ANKH: variants seen among roughly 807,000 people sequenced by gnomAD.
ANKH encodes the protein ANKH inorganic pyrophosphate transport regulator, also known as mineralization regulator ANKH.
A neutral mutation model predicts 49.0 loss-of-function variants in ANKH; 15 were observed. The ratio of observed to expected loss-of-function variants is 0.31; its 90% CI spans 0.20 to 0.47. The LOEUF is 0.47. Ranked by LOEUF, ANKH falls within the 20% of genes least tolerant of loss-of-function variation. ANKH has a pLI of 1.00. For synonymous variants in ANKH, 273 were observed against 260.0 expected (o/e 1.05, Z -0.48); for missense variants, 429 against 652.0 (o/e 0.66, Z 3.72).
intron 11 of ANKH, 49 bp downstream of exon 11, chr5:14,712,825 C>T (rs1336335885): frequency 1.3e-6 from 2 of 1,535,984 alleles, no homozygotes; most frequent in Non-Finnish European, 8.8e-7. Flanking sequence ...GGTTCTCCTG[C>T]ACCCAGGAGG....
chr5:14,857,428 G>C (rs1449566750), intron 1 of ANKH, among the ~76,000 whole-genome samples: 1 of 152,194 alleles, frequency 6.6e-6, no homozygotes, highest in Non-Finnish European at 1.5e-5. Flanking sequence ...GCCAAGACAG[G>C]TGGATCACTT....
chr5:14,757,430 A>ATATATCT (rs1379233165), intron 3 of ANKH, among the ~76,000 whole-genome samples: 2 of 113,792 alleles, frequency 1.8e-5, no homozygotes, highest in Non-Finnish European at 1.8e-5. Flanking sequence ...ATATATATAT[A>ATATATCT]TTTTTTTTTT....
intron 2 of ANKH, among the ~76,000 whole-genome samples, chr5:14,763,350 A>G (rs1168846169): frequency 6.6e-6 from 1 of 152,260 alleles, no homozygotes; most frequent in Non-Finnish European, 1.5e-5. Context: ...ATGTGTGTTT[A>G]CATGGCTGAT....
intron 8 of ANKH, among the ~76,000 whole-genome samples, chr5:14,718,478 C>T (rs1172199266): frequency 6.6e-6 from 1 of 152,064 alleles, no homozygotes; most frequent in African/African-American, 2.4e-5. Flanking sequence ...GGAGAAGACA[C>T]TGCACCCATG....
At chr5:14,868,022 C>T (rs1350860652) in intron 1 of ANKH, among the ~76,000 whole-genome samples, 1 of 152,174 alleles carries the variant, frequency 6.6e-6, no homozygotes, top group Non-Finnish European at 1.5e-5. Flanking sequence ...TCCTCCCTGA[C>T]TGAGCTATAA....
At chr5:14,752,239 G>A (rs1738745382) in intron 4 of ANKH, among the ~76,000 whole-genome samples, 1 of 152,184 alleles carries the variant, frequency 6.6e-6, no homozygotes, top group Non-Finnish European at 1.5e-5. Flanking sequence ...GAGCTCAGGA[G>A]TTTGAGGTTA....
rs1364740606 is a variant in ANKH at position 14,708,969 on chromosome 5, T to A, written c.*2228A>T. 3 of 152,164 alleles carry A rather than the reference T, an allele frequency of 2.0e-5. No homozygotes were observed. The highest frequency in any genetic ancestry group is 3.4e-3 in the Middle Eastern group (1 of 296). 9.4% of individuals were successfully genotyped at this position (152,164 alleles called of 1,614,324 possible). On this transcript the variant is annotated 3_prime_UTR_variant, in exon 12 of 12. Transcript: ENST00000284268. Reference sequence around the variant, plus strand: ...GTGCGATGGCGCGATCTCGGCTCACTACAACCTCTGCCTCCCAGGATCAAG... The same window carrying A: ...GTGCGATGGCGCGATCTCGGCTCACAACAACCTCTGCCTCCCAGGATCAAG...
chr5:14,764,074 C>G (rs867116708), intron 2 of ANKH, among the ~76,000 whole-genome samples: 1 of 52,892 alleles, frequency 1.9e-5, no homozygotes, highest in African/African-American at 6.6e-5. Flanking sequence ...GGTGACAGAA[C>G]GGAAAATAAA....
intron 8 of ANKH, among the ~76,000 whole-genome samples, chr5:14,726,309 G>A (rs1299150630): frequency 2.6e-5 from 4 of 152,190 alleles, no homozygotes; most frequent in Admixed American, 6.5e-5. Flanking sequence ...CTGCATGCAC[G>A]TAAGGAAGGA....
intron 7 of ANKH, among the ~76,000 whole-genome samples, chr5:14,742,489 A>G (rs1738392725): frequency 6.6e-6 from 1 of 152,120 alleles, no homozygotes; most frequent in South Asian, 2.1e-4. Flanking sequence ...TCCTCCTGCC[A>G]TTGAATCCTG....
intron 1 of ANKH, among the ~76,000 whole-genome samples, chr5:14,820,988 T>C (rs1435255420): frequency 6.6e-6 from 1 of 151,896 alleles, no homozygotes; most frequent in Non-Finnish European, 1.5e-5. Flanking sequence ...TCCCAGCACC[T>C]CACAGGGGCT....
intron 1 of ANKH, among the ~76,000 whole-genome samples, chr5:14,793,007 A>AATATATATATAAAAAT (rs1740225655): frequency 2.5e-5 from 2 of 79,702 alleles, no homozygotes; most frequent in Non-Finnish European, 4.6e-5. Flanking sequence ...TATATATATA[A>AATATATATATAAAAAT]ATATATATAT....
At chr5:14,758,332 TC>T (rs1382921027) in intron 3 of ANKH, 147 bp downstream of exon 3, 2 of 710,358 alleles carry the variant, frequency 2.8e-6, no homozygotes, top group Admixed American at 4.6e-5. Context: ...GATGAAGAGT[TC>T]TGAAGATTGG....
At chr5:14,837,836 G>T (rs1214688005) in intron 1 of ANKH, among the ~76,000 whole-genome samples, 3 of 152,186 alleles carry the variant, frequency 2.0e-5, no homozygotes, top group African/African-American at 7.2e-5. Context: ...TATGTTTACT[G>T]CGGCACTATT....
intron 4 of ANKH, among the ~76,000 whole-genome samples, chr5:14,754,809 C>T (rs1046442430): frequency 1.3e-5 from 2 of 152,130 alleles, no homozygotes; most frequent in Admixed American, 6.5e-5. Flanking sequence ...GGCGTGGTGG[C>T]TCATGCCTGT....
intron 1 of ANKH, among the ~76,000 whole-genome samples, chr5:14,812,956 A>G (rs572790813): frequency 2.2e-4 from 34 of 152,334 alleles, no homozygotes; most frequent in African/African-American, 7.5e-4. Flanking sequence ...TTTGTATTCA[A>G]TGTAATCATC....
At chr5:14,818,357 C>T (rs968522496) in intron 1 of ANKH, among the ~76,000 whole-genome samples, 2 of 151,720 alleles carry the variant, frequency 1.3e-5, no homozygotes, top group Non-Finnish European at 2.9e-5. Context: ...AAGGCAGAAG[C>T]GGCTGGGCAC....
chr5:14,723,349 CTTT>C (rs775497570), intron 8 of ANKH, among the ~76,000 whole-genome samples: 2 of 36,922 alleles, frequency 5.4e-5, no homozygotes, highest in African/African-American at 1.4e-4. Context: ...AGAAGTTATT[CTTT>C]TTTTAAAAAA....
Position 14,831,005 on chromosome 5 carries a change from A to T in ANKH, c.96+40347T>A, listed in dbSNP as rs768247058. On this transcript the variant is annotated intron_variant, in intron 1 of 11. Coordinates refer to ENST00000284268, the MANE Select transcript of ANKH (RefSeq NM_054027.6). ...GTATGCCTTCATAGAAAGTTAAATCATTCACTTTTTTAAGGGCAAAAAAAG... is the reference window on the plus strand; with the variant it reads ...GTATGCCTTCATAGAAAGTTAAATCTTTCACTTTTTTAAGGGCAAAAAAAG... Among the ~76,000 whole-genome samples the T allele has an allele frequency of 2.0e-5, 3 of 152,190 alleles. No homozygotes were observed. The East Asian group carries it at 5.8e-4, about 29-fold the overall frequency.
Sources: gnomAD v4.1 joint callset for allele counts (sites outside exome capture counted in the v4.1 genomes callset) on GRCh38, gnomAD v4.1.1 for gene constraint, MANE v1.5 for transcripts, NCBI Gene and HGNC (gene_info 2026-07-23, HGNC 2026-07-21) for gene names.